The following CCDC3 variants were observed in gnomAD, a reference collection of about 807,000 sequenced individuals.
CCDC3 encodes coiled-coil domain containing 3.
A neutral mutation model predicts 21.4 loss-of-function variants in CCDC3; 24 were observed. The observed-to-expected ratio is 1.12, with a 90% CI of 0.81 to 1.58. CCDC3 has a LOEUF of 1.58. CCDC3 is among the 40% of genes most tolerant of loss of function. The probability of loss-of-function intolerance (pLI) is 0.00; values close to 1 mark genes in which losing one functional copy is unlikely to be tolerated. For missense variants in CCDC3, 425 were observed against 360.9 expected (o/e 1.18, Z -1.44); for synonymous variants, 186 against 166.0 (o/e 1.12, Z -0.93).
intron 5 of CCDC3, among the ~76,000 whole-genome samples, chr10:13,040,947 G>C (rs762027421): frequency 6.6e-6 from 1 of 152,066 alleles, no homozygotes; most frequent in African/African-American, 2.4e-5. Flanking sequence ...TTAAGACCTT[G>C]AGAATCTTTC....
chr10:12,902,438 G>C (rs766421150), intron 2 of CCDC3, among the ~76,000 whole-genome samples: 1 of 152,138 alleles, frequency 6.6e-6, no homozygotes, highest in Non-Finnish European at 1.5e-5. Context: ...CAAGTACCAG[G>C]CTGAGCACTG....
chr10:13,096,557 C>A (rs554329935), intron 3 of CCDC3, among the ~76,000 whole-genome samples: 2 of 152,234 alleles, frequency 1.3e-5, no homozygotes, highest in East Asian at 3.9e-4. Context: ...GGGAGGTCTC[C>A]TTCCCTACGG....
At chr10:13,080,124 G>C (rs1232313176) in intron 3 of CCDC3, among the ~76,000 whole-genome samples, 1 of 152,196 alleles carries the variant, frequency 6.6e-6, no homozygotes, top group Non-Finnish European at 1.5e-5. Flanking sequence ...CCTGGGCCCA[G>C]ACTGCAGCCG....
chr10:13,098,710 A>ACTTTTTTTTTTTTTT (rs1832666478), intron 2 of CCDC3: 1 of 64,854 alleles, frequency 1.5e-5, no homozygotes, highest in Non-Finnish European at 2.7e-5. Context: ...TCCTGCACTG[A>ACTTTTTTTTTTTTTT]TTTTTTTTTT....
chr10:12,929,261 CAAAA>C lies in CCDC3; in HGVS notation c.550-30586_550-30583del, dbSNP rs10609537. On this transcript the variant is annotated intron_variant, in intron 2 of 2. Transcript: ENST00000378825. ...TGGGTGACAAAGTGAGATTCCATCT[CAAAA>C]AAAAAAAAAAAAAAAAAGAACAGAA... Among the ~76,000 whole-genome samples the C allele has an allele frequency of 6.8e-3, 712 of 104,562 alleles. 2 individuals are homozygous for C. The highest frequency in any genetic ancestry group is 8.1e-3 in the Non-Finnish European group (421 of 52,200). 68.6% of individuals were successfully genotyped at this position (104,562 alleles called of 152,430 possible).
chr10:13,040,519 C>A (rs1487104711), intron 5 of CCDC3, among the ~76,000 whole-genome samples: 1 of 152,098 alleles, frequency 6.6e-6, no homozygotes, highest in Non-Finnish European at 1.5e-5. Context: ...GGTAAAACCC[C>A]ATCTCTACCA....
intron 2 of CCDC3, among the ~76,000 whole-genome samples, chr10:12,990,038 G>A (rs1315425780): frequency 1.3e-5 from 2 of 152,036 alleles, no homozygotes; most frequent in African/African-American, 4.8e-5. Context: ...AGATCATGAG[G>A]TCAGGAGATC....
intron 5 of CCDC3, among the ~76,000 whole-genome samples, chr10:13,019,537 C>T (rs2131404206): frequency 6.6e-6 from 1 of 152,326 alleles, no homozygotes; most frequent in South Asian, 2.1e-4. Flanking sequence ...ATTGCACTAA[C>T]TTCTACCCCT....
At chr10:13,079,647 G>T (rs947355768) in intron 3 of CCDC3, among the ~76,000 whole-genome samples, 13 of 152,202 alleles carry the variant, frequency 8.5e-5, no homozygotes, top group Non-Finnish European at 1.5e-4. Context: ...AGGTTAAAAA[G>T]AGGTGAAAAA....
chr10:12,899,869 T>C (rs1489998172), intron 2 of CCDC3, among the ~76,000 whole-genome samples: 1 of 152,244 alleles, frequency 6.6e-6, no homozygotes, highest in African/African-American at 2.4e-5. Context: ...TTGAATTTTG[T>C]ATTTCATAGG....
At chr10:12,960,494 G>C (rs1835164864) in intron 2 of CCDC3, among the ~76,000 whole-genome samples, 1 of 152,160 alleles carries the variant, frequency 6.6e-6, no homozygotes, top group Non-Finnish European at 1.5e-5. Flanking sequence ...CTGCCAGGCA[G>C]GGAGATTTAT....
At position 12,898,697 on chromosome 10, in the gene CCDC3, G is replaced by A. The variant is rs781629147; in HGVS notation, c.550-18C>T. 3.7e-6 allele frequency: 6 copies of A among 1,612,432 alleles called. No individual in the cohort carries two copies. The highest frequency in any genetic ancestry group is 2.7e-5 in the African/African-American group (2 of 74,900). On this transcript the variant is annotated intron_variant, in intron 2 of 2. Coordinates refer to ENST00000378825, the MANE Select transcript of CCDC3 (RefSeq NM_031455.4). ...CACATGAGCTGGAGGCAGAGACAGC[G>A]TGCAAGGAGAGGAGGTGAGTCCCAG...
chr10:13,019,846 A>C (rs574043102), intron 5 of CCDC3, among the ~76,000 whole-genome samples: 68 of 152,068 alleles, frequency 4.5e-4, no homozygotes, highest in African/African-American at 1.4e-3. Context: ...AAGTACAAAA[A>C]TTAGCCCGGT....
At position 13,048,484 on chromosome 10, in the gene CCDC3, A is replaced by G. The variant is rs138003616; in HGVS notation, c.-2+1190T>C. Among the ~76,000 whole-genome samples the G allele has an allele frequency of 7.6e-4, 116 of 152,136 alleles. 1 individual carries two copies. The highest frequency in any genetic ancestry group is 5.0e-3 in the East Asian group (26 of 5,172). The stretch of plus-strand genomic sequence containing the variant: ...TGGGATTACAGGTGTGAGCCACTGC[A>G]CCTGGCCAGGGTCCCAAGTTTTTAT... On this transcript the variant is annotated intron_variant, in intron 5 of 6. Transcript: ENST00000378839.
chr10:12,922,721 T>C (rs1834471460), intron 2 of CCDC3, among the ~76,000 whole-genome samples: 4 of 152,078 alleles, frequency 2.6e-5, no homozygotes, highest in African/African-American at 7.2e-5. Context: ...ATGTGGTACA[T>C]TGTAGGAATC....
intron 5 of CCDC3, among the ~76,000 whole-genome samples, chr10:13,027,150 G>T (rs981899674): frequency 6.6e-6 from 1 of 152,096 alleles, no homozygotes; most frequent in African/African-American, 2.4e-5. Flanking sequence ...TTGGTCTATG[G>T]GCAAGCTGGA....
intron 2 of CCDC3, among the ~76,000 whole-genome samples, chr10:12,985,160 G>A (rs1275669509): frequency 6.6e-6 from 1 of 151,904 alleles, no homozygotes; most frequent in African/African-American, 2.4e-5. Context: ...CTTATCCAGG[G>A]TGAGTTTGTG....
At chr10:13,032,758 A>C (rs1836322503) in intron 5 of CCDC3, among the ~76,000 whole-genome samples, 1 of 152,224 alleles carries the variant, frequency 6.6e-6, no homozygotes, top group African/African-American at 2.4e-5. Context: ...CAAACAGAAT[A>C]AAATACCTAG....
At chr10:13,058,450 G>A (rs1359656363) in intron 4 of CCDC3, 11 of 759,300 alleles carry the variant, frequency 1.4e-5, no homozygotes, top group South Asian at 2.7e-5. Flanking sequence ...CATATGCTGC[G>A]CAGACTATCA....
Sources: gnomAD v4.1 joint callset for allele counts (sites outside exome capture counted in the v4.1 genomes callset) on GRCh38, gnomAD v4.1.1 for gene constraint, MANE v1.5 for transcripts, NCBI Gene and HGNC (gene_info 2026-07-23, HGNC 2026-07-21) for gene names.